BLNK: variants seen among roughly 807,000 people sequenced by gnomAD.
The protein encoded by BLNK is B cell linker, also known as B-cell linker protein.
Under a neutral mutation model 73.5 loss-of-function variants are expected in BLNK, and 29 were observed. The observed-to-expected ratio is 0.39, with a 90% CI of 0.29 to 0.54. The LOEUF (loss-of-function observed/expected upper bound fraction) is 0.54, where lower values mean the gene tolerates loss of function less well. Ranked by LOEUF, BLNK falls within the 20% of genes least tolerant of loss-of-function variation. The pLI is 0.61. For synonymous variants in BLNK, 176 were observed against 200.8 expected (o/e 0.88, Z 1.04); for missense variants, 460 against 562.8 (o/e 0.82, Z 1.85).
At chr10:96,210,264 C>CA (rs2133984386) in intron 8 of BLNK, 2 of 367,178 alleles carry the variant, frequency 5.4e-6, no homozygotes, top group Admixed American at 7.5e-5. Flanking sequence ...GGAAGGGAGC[C>CA]AACAGCTCAC....
In BLNK at chr10:96,190,083, C is replaced by T. The variant is rs1488399970; in HGVS notation, c.*1890G>A. The T allele has an allele frequency of 8.4e-5, 73 of 872,302 alleles. 1 individual carries two copies. The highest frequency in any genetic ancestry group is 2.4e-5 in the East Asian group (1 of 41,570). The allele number at this position is 872,302 out of a possible 1,614,324, so 54.0% of individuals were successfully genotyped here. ...CCTTTGCACCAGCCCCTAAACTGAC[C>T]GTTCTTAAGGATAACTGGTGCTCAT... On this transcript the variant is annotated 3_prime_UTR_variant, in exon 17 of 17. Transcript: ENST00000224337.
At chr10:96,203,368 TA>T (rs1189445236) in intron 13 of BLNK, among the ~76,000 whole-genome samples, 88 of 152,170 alleles carry the variant, frequency 5.8e-4, no homozygotes, top group South Asian at 1.7e-3. Flanking sequence ...TTATGTTTAG[TA>T]AAAAAAATGC....
In BLNK at chr10:96,190,522, T is replaced by C. The variant is rs1407575235; in HGVS notation, c.*1451A>G. Among the ~76,000 whole-genome samples, 2 of 152,230 alleles carry C rather than the reference T, an allele frequency of 1.3e-5. No homozygotes were observed. Among genetic ancestry groups the C allele is most frequent in the East Asian group, 3.8e-4 (2 of 5,202 alleles). ...GGATTAGGACTTCAACATATCTTTT[T>C]GAGGGGACCACAGTTCAATCTGTAA... On this transcript the variant is annotated 3_prime_UTR_variant, in exon 17 of 17. Transcript: ENST00000224337.
At chr10:96,253,048 T>A (rs544090285) in intron 1 of BLNK, among the ~76,000 whole-genome samples, 16 of 152,304 alleles carry the variant, frequency 1.1e-4, no homozygotes, top group Admixed American at 1.0e-3. Context: ...TGTTGGTCCC[T>A]GTGCTGCAGG....
At chr10:96,227,148 T>C (rs1842300606) in intron 5 of BLNK, among the ~76,000 whole-genome samples, 2 of 144,198 alleles carry the variant, frequency 1.4e-5, no homozygotes, top group Admixed American at 1.4e-4. Flanking sequence ...TTGTTGTTTG[T>C]TTGTTTGTTT....
At chr10:96,203,954 C>A in intron 13 of BLNK, 103 bp downstream of exon 13, 1 of 909,756 alleles carries the variant, frequency 1.1e-6, no homozygotes, top group Non-Finnish European at 1.8e-6. Context: ...GCCAGGATAA[C>A]GCAGCTGGAA....
chr10:96,204,389 C>CT, intron 12 of BLNK, 143 bp downstream of exon 12: 1 of 1,009,120 alleles, frequency 9.9e-7, no homozygotes. Context: ...TGCTCAACAC[C>CT]TTTTAACACG....
At chr10:96,249,157 T>C (rs976014226) in intron 1 of BLNK, among the ~76,000 whole-genome samples, 1 of 152,252 alleles carries the variant, frequency 6.6e-6, no homozygotes, top group African/African-American at 2.4e-5. Flanking sequence ...CTATTGTTCT[T>C]GTAGGAAATG....
chr10:96,189,323 A>C lies in BLNK; in HGVS notation c.*2650T>G, dbSNP rs2083294177. 4 of 515,014 alleles carry C rather than the reference A, an allele frequency of 7.8e-6. No individual in the cohort carries two copies. The highest frequency in any genetic ancestry group is 1.1e-5 in the Non-Finnish European group (3 of 269,808). 31.9% of individuals were successfully genotyped at this position (515,014 alleles called of 1,614,324 possible). A position where few individuals can be genotyped will look rare whatever the true frequency, so the allele number is the denominator to read the frequency against. ...TATTGACTGTTAGAGAAATGAAATA[A>C]GATGGAAAAATGTTAACAAATTGTT... On this transcript the variant is annotated 3_prime_UTR_variant, in exon 17 of 17. Transcript: ENST00000224337.
intron 8 of BLNK, among the ~76,000 whole-genome samples, chr10:96,211,890 A>C (rs1208961192): frequency 2.0e-5 from 3 of 152,224 alleles, no homozygotes; most frequent in African/African-American, 7.2e-5. Flanking sequence ...ATTTGATGGA[A>C]GATCTCAGGG....
chr10:96,251,091 A>G (rs1328418128), intron 1 of BLNK, among the ~76,000 whole-genome samples: 1 of 152,250 alleles, frequency 6.6e-6, no homozygotes, highest in Non-Finnish European at 1.5e-5. Context: ...AGTTAACTAT[A>G]GTCACCCTAG....
chr10:96,247,776 C>A (rs372617302), intron 1 of BLNK, among the ~76,000 whole-genome samples: 4 of 152,094 alleles, frequency 2.6e-5, no homozygotes, highest in African/African-American at 9.7e-5. Context: ...TAACTTTGTA[C>A]CTTAACTTCA....
chr10:96,251,313 G>A (rs1329995276), intron 1 of BLNK, among the ~76,000 whole-genome samples: 1 of 152,192 alleles, frequency 6.6e-6, no homozygotes, highest in Non-Finnish European at 1.5e-5. Flanking sequence ...CTGCTCTCTA[G>A]TATTGGCCAT....
At chr10:96,209,796 C>T in intron 9 of BLNK, 42 bp downstream of exon 9, 1 of 1,611,744 alleles carries the variant, frequency 6.2e-7, no homozygotes, top group Non-Finnish European at 8.5e-7. Flanking sequence ...ACCATCCTCA[C>T]TCCCCAGATC....
chr10:96,207,808 A>C, intron 10 of BLNK, 64 bp downstream of exon 10: 1 of 1,585,798 alleles, frequency 6.3e-7, no homozygotes, highest in Non-Finnish European at 8.7e-7. Context: ...TCAACTTTAA[A>C]TAAATGGATA....
intron 1 of BLNK, among the ~76,000 whole-genome samples, chr10:96,258,213 G>A (rs932522435): frequency 1.3e-5 from 2 of 152,200 alleles, no homozygotes; most frequent in African/African-American, 4.8e-5. Flanking sequence ...GTGAGCTCAT[G>A]GTGGAGCTGG....
chr10:96,226,590 C>A lies in BLNK; in HGVS notation c.361+820G>T, dbSNP rs587718344. On this transcript the variant is annotated intron_variant, in intron 5 of 16. Transcript: ENST00000224337. ...GCGCAGTGGCTTATGCCTGTAATCC[C>A]AGCACTTTGGGAGGCCGAGGCGGTT... 2.0e-5 allele frequency among the ~76,000 whole-genome samples: 3 copies of A among 152,264 alleles called. No individual in the cohort carries two copies. In the East Asian group the frequency reaches 5.8e-4, roughly 29 times the overall value.
chr10:96,231,648 G>A (rs1461188631), intron 3 of BLNK, among the ~76,000 whole-genome samples: 1 of 151,058 alleles, frequency 6.6e-6, no homozygotes, highest in African/African-American at 2.4e-5. Context: ...GATTGCTTGA[G>A]CCCAGGGGGT....
At chr10:96,241,343 T>C (rs1460720645) in intron 3 of BLNK, among the ~76,000 whole-genome samples, 3 of 152,264 alleles carry the variant, frequency 2.0e-5, no homozygotes, top group Non-Finnish European at 2.9e-5. Context: ...TAATTAATGC[T>C]ATAGAAAGAG....
Sources: allele counts gnomAD v4.1 joint callset (sites outside exome capture counted in the v4.1 genomes callset), GRCh38; gene constraint gnomAD v4.1.1; transcripts MANE v1.5; gene names NCBI Gene and HGNC (gene_info 2026-07-23, HGNC 2026-07-21).